The following PAX5 variants were observed in gnomAD, a reference collection of about 807,000 sequenced individuals.
PAX5 encodes the protein paired box protein Pax-5.
A neutral mutation model predicts 43.7 loss-of-function variants in PAX5; 9 were observed. That is an observed-to-expected ratio of 0.21 (90% CI 0.12 to 0.36). The LOEUF (loss-of-function observed/expected upper bound fraction) is 0.36. PAX5 is among the 10% of genes least tolerant of loss of function. PAX5 has a pLI of 1.00. For missense variants in PAX5, 383 were observed against 532.7 expected (o/e 0.72, Z 2.77); for synonymous variants, 228 against 214.3 (o/e 1.06, Z -0.56).
chr9:36,867,808 G>A (rs375007701), intron 8 of PAX5, among the ~76,000 whole-genome samples: 5 of 151,784 alleles, frequency 3.3e-5, no homozygotes, highest in African/African-American at 7.3e-5. Flanking sequence ...ATTTGTGCCC[G>A]TTGCACATAG....
chr9:36,855,323 T>C (rs1823556825), intron 8 of PAX5, among the ~76,000 whole-genome samples: 1 of 152,254 alleles, frequency 6.6e-6, no homozygotes, highest in African/African-American at 2.4e-5. Flanking sequence ...CCTCCAAGGC[T>C]GACCTTTCTT....
intron 6 of PAX5, among the ~76,000 whole-genome samples, chr9:36,939,155 C>A (rs35483032): frequency 0.21 from 31,167 of 152,016 alleles, 3,562 homozygotes; most frequent in Non-Finnish European, 0.25. Flanking sequence ...TTTAAATTTG[C>A]CCTAGGGCAA....
At chr9:36,960,060 A>G (rs901904405) in intron 6 of PAX5, among the ~76,000 whole-genome samples, 1 of 152,188 alleles carries the variant, frequency 6.6e-6, no homozygotes, top group Non-Finnish European at 1.5e-5. Flanking sequence ...AAAACCCAAT[A>G]TATTTATGAG....
chr9:37,006,389 A>G (rs1363681268), intron 4 of PAX5, 84 bp downstream of exon 4: 7 of 1,014,102 alleles, frequency 6.9e-6, no homozygotes, highest in Non-Finnish European at 1.1e-5. Flanking sequence ...ATGCAGAATT[A>G]TCTGTCCATA....
intron 8 of PAX5, among the ~76,000 whole-genome samples, chr9:36,864,546 C>T (rs886770555): frequency 6.6e-6 from 1 of 152,220 alleles, no homozygotes; most frequent in African/African-American, 2.4e-5. Context: ...GTCCCCGTGC[C>T]CCAGCCGGAC....
At chr9:36,875,323 C>T (rs536998300) in intron 8 of PAX5, among the ~76,000 whole-genome samples, 7 of 152,322 alleles carry the variant, frequency 4.6e-5, no homozygotes, top group South Asian at 2.1e-4. Flanking sequence ...GGCACTGTGC[C>T]GGGAACTAAG....
intron 6 of PAX5, among the ~76,000 whole-genome samples, chr9:36,924,338 A>G (rs112749125): frequency 1.6e-4 from 25 of 152,344 alleles, no homozygotes; most frequent in African/African-American, 5.3e-4. Context: ...ACCAACCTGG[A>G]TCTTTCAACT....
intron 7 of PAX5, among the ~76,000 whole-genome samples, chr9:36,886,442 G>A (rs532950541): frequency 2.0e-5 from 3 of 152,196 alleles, no homozygotes; most frequent in African/African-American, 7.2e-5. Flanking sequence ...AACTCTCCCG[G>A]CACCAAGCTG....
At chr9:37,028,839 A>G in intron 1 of PAX5, among the ~76,000 whole-genome samples, 1 of 151,926 alleles carries the variant, frequency 6.6e-6, no homozygotes. Context: ...TATGTAGACA[A>G]AATGGATGGA....
chr9:36,911,023 G>A (rs78164194), intron 7 of PAX5, among the ~76,000 whole-genome samples: 7,349 of 152,244 alleles, frequency 0.048, 233 homozygotes, highest in East Asian at 0.11. Flanking sequence ...TCCCCACAAA[G>A]CTTCTCAACA....
intron 7 of PAX5, among the ~76,000 whole-genome samples, chr9:36,914,871 A>AT (rs1829605012): frequency 6.6e-6 from 1 of 152,200 alleles, no homozygotes; most frequent in South Asian, 2.1e-4. Context: ...TATCCTTTAT[A>AT]TTTTTTCATA....
In PAX5 at chr9:37,006,513, C is replaced by G. The variant is rs758368747; in HGVS notation, c.435G>C (p.Gln145His). Reference sequence around the variant, plus strand: ...AAGCTGGGACTGGTTGGTTGGGTGGCTGCTGTACTTTTGTCCGGATGATCC... The same window carrying G: ...AAGCTGGGACTGGTTGGTTGGGTGGGTGCTGTACTTTTGTCCGGATGATCC... The part of the protein sequence containing the change: ...INRIIRTKVQ[Q>H]PPNQPVPASS... Residue 145 changes from glutamine to histidine, a missense_variant, in exon 4 of 10, where the codon CAG (glutamine) becomes CAC (histidine). Physicochemically the swap from Gln to His is conservative, Grantham distance 24. Around this residue, in one of 5 missense-constraint regions of PAX5, gnomAD observed 291 missense variants for 342.5 expected, o/e 0.85. Transcript: ENST00000358127. The G allele has an allele frequency of 1.9e-6, 3 of 1,614,110 alleles. No homozygotes were observed. The highest frequency in any genetic ancestry group is 2.2e-5 in the South Asian group (2 of 91,080).
In PAX5 at chr9:36,898,408, G is replaced by A. The variant is rs78376997; in HGVS notation, c.911-16303C>T. ...CCACATCACCTGGAGAAGGAGGCAC[G>A]TGGGGTCTGCATTCACATGTGTAAA... On this transcript the variant is annotated intron_variant, in intron 7 of 9. Coordinates refer to ENST00000358127, the MANE Select transcript of PAX5 (RefSeq NM_016734.3). 3.9e-5 allele frequency among the ~76,000 whole-genome samples: 6 copies of A among 152,096 alleles called. 1 individual carries two copies. The highest frequency in any genetic ancestry group is 1.3e-4 in the Admixed American group (2 of 15,272).
intron 7 of PAX5, among the ~76,000 whole-genome samples, chr9:36,903,043 G>C (rs1469049533): frequency 6.6e-6 from 1 of 152,136 alleles, no homozygotes; most frequent in African/African-American, 2.4e-5. Flanking sequence ...ACCAGCACTT[G>C]GCATCCTTCC....
At chr9:36,852,363 G>A (rs998678923) in intron 8 of PAX5, among the ~76,000 whole-genome samples, 2 of 152,202 alleles carry the variant, frequency 1.3e-5, no homozygotes, top group Admixed American at 6.5e-5. Context: ...CCCTTGTGTC[G>A]CAGATTGGGA....
At chr9:36,925,108 C>T (rs1191791058) in intron 6 of PAX5, among the ~76,000 whole-genome samples, 1 of 152,064 alleles carries the variant, frequency 6.6e-6, no homozygotes, top group Non-Finnish European at 1.5e-5. Context: ...GCAGAAGGGG[C>T]TGGGACTCAG....
At chr9:36,955,801 ATACC>A (rs1237525836) in intron 6 of PAX5, among the ~76,000 whole-genome samples, 3 of 124,000 alleles carry the variant, frequency 2.4e-5, no homozygotes, top group African/African-American at 1.0e-4. Flanking sequence ...ATATATATAT[ATACC>A]CACACACACA....
At chr9:36,942,849 C>T (rs756532992) in intron 6 of PAX5, among the ~76,000 whole-genome samples, 8 of 152,210 alleles carry the variant, frequency 5.3e-5, no homozygotes, top group Admixed American at 1.3e-4. Context: ...AGAGTGAGCC[C>T]AGGAGGAGCA....
At chr9:36,903,154 C>T (rs1171086496) in intron 7 of PAX5, among the ~76,000 whole-genome samples, 4 of 152,178 alleles carry the variant, frequency 2.6e-5, no homozygotes, top group Non-Finnish European at 4.4e-5. Context: ...CTGAAGAGAA[C>T]CAGACCTAAG....
Sources: gnomAD v4.1 joint callset for allele counts (sites outside exome capture counted in the v4.1 genomes callset) on GRCh38, gnomAD v4.1.1 for gene constraint, gnomAD v4.1.1 regional missense constraint, MANE v1.5 for transcripts, NCBI Gene and HGNC (gene_info 2026-07-23, HGNC 2026-07-21) for gene names.